SLC4A4: variants seen among roughly 807,000 people sequenced by gnomAD.
SLC4A4 encodes the protein electrogenic sodium bicarbonate cotransporter 1.
SLC4A4 carries 27 observed loss-of-function variants against 111.5 expected under a neutral mutation model. The ratio of observed to expected loss-of-function variants is 0.24; its 90% CI spans 0.18 to 0.33. SLC4A4 has a LOEUF of 0.33. Among genes scored for constraint, SLC4A4 ranks in the 10% least tolerant of loss-of-function variants. SLC4A4 has a pLI of 1.00. For missense variants in SLC4A4, 909 were observed against 1,315.5 expected (o/e 0.69, Z 4.78); for synonymous variants, 443 against 463.4 (o/e 0.96, Z 0.57).
chr4:71,261,161 G>A (rs1003913482), intron 3 of SLC4A4, among the ~76,000 whole-genome samples: 2 of 152,210 alleles, frequency 1.3e-5, no homozygotes, highest in African/African-American at 2.4e-5. Flanking sequence ...GCCAGTGAGT[G>A]TCAGTCTGCA....
At chr4:71,284,325 C>A (rs1347435560) in intron 3 of SLC4A4, among the ~76,000 whole-genome samples, 1 of 152,206 alleles carries the variant, frequency 6.6e-6, no homozygotes, top group African/African-American at 2.4e-5. Flanking sequence ...TGTGATTTTT[C>A]TGACTGATCA....
chr4:71,117,325 G>A (rs957343670), intron 2 of SLC4A4, among the ~76,000 whole-genome samples: 6 of 152,108 alleles, frequency 3.9e-5, no homozygotes, highest in African/African-American at 1.4e-4. Flanking sequence ...GAAAGGAGTT[G>A]GAAGTTTATC....
At chr4:71,512,722 G>A (rs925418938) in intron 16 of SLC4A4, among the ~76,000 whole-genome samples, 2 of 152,082 alleles carry the variant, frequency 1.3e-5, no homozygotes, top group African/African-American at 4.8e-5. Flanking sequence ...CCAATGTCCA[G>A]GAGAATTTTC....
chr4:71,350,324 T>C (rs1729704642), intron 5 of SLC4A4, among the ~76,000 whole-genome samples: 1 of 152,134 alleles, frequency 6.6e-6, no homozygotes, highest in Non-Finnish European at 1.5e-5. Context: ...TATTTCCTTC[T>C]AGCTTTGCTT....
chr4:71,484,386 G>T (rs1474243423), intron 14 of SLC4A4, among the ~76,000 whole-genome samples: 5 of 151,632 alleles, frequency 3.3e-5, no homozygotes, highest in Admixed American at 3.3e-4. Context: ...TCAATTTTCT[G>T]CTTATGATCA....
In SLC4A4 at chr4:71,068,019, G is replaced by A. The variant is rs549281898; in HGVS notation, c.-65+5231G>A. Among the ~76,000 whole-genome samples, 37 of 150,252 alleles carry A rather than the reference G, an allele frequency of 2.5e-4. No homozygotes were observed. The East Asian group carries it at 6.9e-3, about 28-fold the overall frequency. ...CTGCCTTCGCTTCCCATAGTGTTGG[G>A]ATTATGGATGTGAGCCACTGCATAT... On this transcript the variant is annotated intron_variant, in intron 1 of 26. Coordinates refer to the SLC4A4 transcript ENST00000649996.
chr4:71,129,599 G>A (rs1425907117), intron 2 of SLC4A4, among the ~76,000 whole-genome samples: 1 of 152,024 alleles, frequency 6.6e-6, no homozygotes, highest in Non-Finnish European at 1.5e-5. Context: ...ATTCGACCCA[G>A]TAATCCCATT....
intron 6 of SLC4A4, among the ~76,000 whole-genome samples, chr4:71,391,773 C>G (rs1719299726): frequency 6.6e-6 from 1 of 151,372 alleles, no homozygotes; most frequent in Non-Finnish European, 1.5e-5. Flanking sequence ...TTCTTTGGAC[C>G]AAGAACAAGC....
At chr4:71,364,547 C>G (rs1731072916) in intron 6 of SLC4A4, among the ~76,000 whole-genome samples, 1 of 152,192 alleles carries the variant, frequency 6.6e-6, no homozygotes, top group South Asian at 2.1e-4. Context: ...GCCCTTTCCT[C>G]ATAGATGGTG....
chr4:71,177,454 C>T (rs901172870), intron 2 of SLC4A4, among the ~76,000 whole-genome samples: 1 of 152,076 alleles, frequency 6.6e-6, no homozygotes, highest in Non-Finnish European at 1.5e-5. Context: ...CAGAGACACA[C>T]ATAGGCTCAA....
chr4:71,553,334 A>T (rs969013097), intron 20 of SLC4A4, among the ~76,000 whole-genome samples: 1 of 151,908 alleles, frequency 6.6e-6, no homozygotes, highest in Non-Finnish European at 1.5e-5. Flanking sequence ...ATTCACAGAG[A>T]ATGGAACTAA....
At chr4:71,560,279 G>T in intron 23 of SLC4A4, 25 bp downstream of exon 23, 1 of 1,586,546 alleles carries the variant, frequency 6.3e-7, no homozygotes, top group South Asian at 1.1e-5. Context: ...AAATTCCAAA[G>T]GAAAGCTAGT....
intron 3 of SLC4A4, among the ~76,000 whole-genome samples, chr4:71,316,100 T>C (rs1726655087): frequency 6.6e-6 from 1 of 152,182 alleles, no homozygotes; most frequent in African/African-American, 2.4e-5. Context: ...ACAAAAGTTA[T>C]GGTTATTAAT....
intron 6 of SLC4A4, among the ~76,000 whole-genome samples, chr4:71,375,841 G>A (rs978435936): frequency 6.6e-6 from 1 of 151,820 alleles, no homozygotes; most frequent in East Asian, 1.9e-4. Context: ...CTACAATGAC[G>A]GAGTAGTGGC....
At chr4:71,267,213 T>C (rs1278251379) in intron 3 of SLC4A4, among the ~76,000 whole-genome samples, 4 of 152,144 alleles carry the variant, frequency 2.6e-5, no homozygotes, top group Admixed American at 2.6e-4. Context: ...AGTTCTACCT[T>C]TGGTATGTAC....
intron 2 of SLC4A4, among the ~76,000 whole-genome samples, chr4:71,124,143 A>G (rs1161657063): frequency 1.3e-5 from 2 of 150,572 alleles, no homozygotes; most frequent in African/African-American, 2.4e-5. Context: ...CACAGAACAC[A>G]TATCAGTTAA....
At chr4:71,155,892 TG>T (rs1347916186) in intron 2 of SLC4A4, among the ~76,000 whole-genome samples, 2 of 152,350 alleles carry the variant, frequency 1.3e-5, no homozygotes, top group Admixed American at 6.5e-5. Context: ...AAAGTCCATT[TG>T]ATATGACAGC....
At chr4:71,111,750 C>T (rs1743095491) in intron 2 of SLC4A4, among the ~76,000 whole-genome samples, 2 of 150,132 alleles carry the variant, frequency 1.3e-5, no homozygotes, top group South Asian at 4.3e-4. Flanking sequence ...GGCTGGAGTG[C>T]AGTGGTGCTT....
At chr4:71,497,457 A>G in intron 15 of SLC4A4, 44 bp from the exon 16 acceptor site, 1 of 1,512,058 alleles carries the variant, frequency 6.6e-7, no homozygotes, top group Non-Finnish European at 9.1e-7. Flanking sequence ...TGCTTTTTAT[A>G]TGTCAATGTT....
Sources: allele counts gnomAD v4.1 joint callset (sites outside exome capture counted in the v4.1 genomes callset), GRCh38; gene constraint gnomAD v4.1.1; transcripts MANE v1.5; gene names NCBI Gene and HGNC (gene_info 2026-07-23, HGNC 2026-07-21).